The following PGA3 variants were observed in gnomAD, a reference collection of about 807,000 sequenced individuals.
PGA3 encodes pepsin A-3.
In PGA3, 1 loss-of-function variant was observed where a neutral mutation model predicts 15.6. That is an observed-to-expected ratio of 0.06 (90% CI 0.02 to 0.30). The LOEUF (loss-of-function observed/expected upper bound fraction) is 0.30. PGA3 is among the 10% of genes least tolerant of loss of function. PGA3 has a pLI of 1.00. For synonymous variants in PGA3, 14 were observed against 79.5 expected (o/e 0.18, Z 4.38); for missense variants, 29 against 183.7 (o/e 0.16, Z 4.87).
chr11:61,211,753 C>A (rs567047370), intron 8 of PGA3, among the ~76,000 whole-genome samples: 1 of 150,574 alleles, frequency 6.6e-6, no homozygotes, highest in Admixed American at 6.8e-5. Context: ...CAACTCATCT[C>A]ACCCTCAGTT....
intron 2 of PGA3, among the ~76,000 whole-genome samples, chr11:61,205,459 A>G (rs1159652171): frequency 6.6e-6 from 1 of 152,206 alleles, no homozygotes. Context: ...TGACAAATTA[A>G]TTAATTGGAC....
At chr11:61,206,453 G>C (rs1175751016) in intron 2 of PGA3, 57 bp from the exon 3 acceptor site, 1 of 16,328 alleles carries the variant, frequency 6.1e-5, no homozygotes, top group African/African-American at 5.8e-4. Flanking sequence ...ACAGCCCCTA[G>C]GGAGGCCCTG....
chr11:61,203,752 T>C, intron 1 of PGA3, 132 bp downstream of exon 1: 9 of 1,507,252 alleles, frequency 6.0e-6, no homozygotes, highest in Non-Finnish European at 8.2e-6. Context: ...CCTCTCTCTC[T>C]GCCTTTTTGG....
At chr11:61,211,887 G>A (rs1853952242) in intron 8 of PGA3, among the ~76,000 whole-genome samples, 2 of 151,158 alleles carry the variant, frequency 1.3e-5, no homozygotes, top group Non-Finnish European at 3.0e-5. Flanking sequence ...AATTTCCGTA[G>A]GCTGGGGCTT....
At chr11:61,205,133 A>G (rs1460260253) in intron 2 of PGA3, among the ~76,000 whole-genome samples, 1 of 151,954 alleles carries the variant, frequency 6.6e-6, no homozygotes, top group Non-Finnish European at 1.5e-5. Context: ...CAAGTCATTT[A>G]AATACTCTGA....
At chr11:61,205,218 A>G (rs1389532203) in intron 2 of PGA3, among the ~76,000 whole-genome samples, 1 of 151,836 alleles carries the variant, frequency 6.6e-6, no homozygotes, top group Admixed American at 6.6e-5. Context: ...TAACACGATC[A>G]TGTTTTCTGG....
chr11:61,204,554 G>A (rs1179301450), intron 2 of PGA3: 2 of 540,796 alleles, frequency 3.7e-6, no homozygotes. Context: ...CAAACTCATA[G>A]CCTAGGAGAC....
chr11:61,211,671 G>A (rs1158712009), intron 8 of PGA3, among the ~76,000 whole-genome samples: 3 of 150,466 alleles, frequency 2.0e-5, no homozygotes. Context: ...GGAGTGAAAA[G>A]AGGATTCTAT....
chr11:61,211,913 T>C (rs1853952765), intron 8 of PGA3, among the ~76,000 whole-genome samples: 1 of 150,846 alleles, frequency 6.6e-6, no homozygotes, highest in African/African-American at 2.4e-5. Context: ...ACTTCTACCA[T>C]CTCTACCAAG....
rs1257728559 is a variant in PGA3, at chr11:61,203,794, G to A, written c.56+174G>A. 1,737 of 1,086,326 alleles carry A rather than the reference G, an allele frequency of 1.6e-3. 14 individuals carry two copies. In the African/African-American group the frequency reaches 0.024, roughly 15 times the overall value. 67.3% of individuals were successfully genotyped at this position (1,086,326 alleles called of 1,614,324 possible). A position where few individuals can be genotyped will look rare whatever the true frequency, so the allele number is the denominator to read the frequency against. On this transcript the variant is annotated intron_variant, in intron 1 of 8. Coordinates refer to ENST00000325558, the MANE Select transcript of PGA3 (RefSeq NM_001079807.4). ...GCCCTGCAGACATGGTTAAAACTCG[G>A]GCCCAGCCTGACTGTGGTTCCCAGC...
At chr11:61,206,454 G>C (rs1853927535) in intron 2 of PGA3, 56 bp from the exon 3 acceptor site, 1 of 16,302 alleles carries the variant, frequency 6.1e-5, no homozygotes, top group Non-Finnish European at 1.7e-4. Flanking sequence ...CAGCCCCTAG[G>C]GAGGCCCTGA....
At position 61,211,820 on chromosome 11, in the gene PGA3, C is replaced by T. The variant is rs866987402; in HGVS notation, c.1017+385C>T. Among the ~76,000 whole-genome samples, 665 of 149,550 alleles carry T rather than the reference C, an allele frequency of 4.4e-3. 10 individuals are homozygous for T. Among genetic ancestry groups the T allele is most frequent in the African/African-American group, 0.014 (588 of 40,708 alleles). On this transcript the variant is annotated intron_variant, in intron 8 of 8. Transcript: ENST00000325558. ...CCCCACCCTCAGAGTGCGGTTAGGT[C>T]AACCAAGTGAGACTGATCACATCAG... is the stretch of plus-strand genomic sequence containing the variant.
chr11:61,205,100 C>T (rs1565206793), intron 2 of PGA3, among the ~76,000 whole-genome samples: 1 of 152,060 alleles, frequency 6.6e-6, no homozygotes, highest in South Asian at 2.1e-4. Context: ...GGTCCTAGTG[C>T]CTCTAAGCCA....
chr11:61,203,742 C>A, intron 1 of PGA3, 122 bp downstream of exon 1: 1 of 1,551,342 alleles, frequency 6.4e-7, no homozygotes, highest in South Asian at 1.1e-5. Context: ...CCCTTTTCCG[C>A]CTCTCTCTCT....
In PGA3 at chr11:61,203,808, G is replaced by C. The variant is rs1242700841; in HGVS notation, c.56+188G>C. The C allele has an allele frequency of 1.7e-3, 1,654 of 960,956 alleles. 12 individuals are homozygous for C. The African/African-American group carries it at 0.024, about 14-fold the overall frequency. 59.5% of individuals were successfully genotyped at this position (960,956 alleles called of 1,614,324 possible). ...GTTAAAACTCGGGCCCAGCCTGACT[G>C]TGGTTCCCAGCTCCAGCCCTAGTCA... On this transcript the variant is annotated intron_variant, in intron 1 of 8. Transcript: ENST00000325558.
chr11:61,205,521 G>A (rs1437012955), intron 2 of PGA3, among the ~76,000 whole-genome samples: 1 of 151,866 alleles, frequency 6.6e-6, no homozygotes, highest in Admixed American at 6.6e-5. Context: ...AGTGGTCACG[G>A]AAGGCCTGTT....
At chr11:61,205,449 T>G (rs1853914085) in intron 2 of PGA3, among the ~76,000 whole-genome samples, 1 of 152,162 alleles carries the variant, frequency 6.6e-6, no homozygotes, top group Non-Finnish European at 1.5e-5. Context: ...ATGAGGACCA[T>G]GACAAATTAA....
At chr11:61,210,711 TTCCCCTGGCTGC>T in intron 6 of PGA3, 14 of 9,728 alleles carry the variant, frequency 1.4e-3, no homozygotes, top group Non-Finnish European at 3.0e-3. Flanking sequence ...AGGGTGTCTG[TTCCCCTGGCTGC>T]TCCCCTCCAC....
intron 2 of PGA3, chr11:61,206,118 A>G (rs1590581813): frequency 4.7e-6 from 1 of 211,672 alleles, no homozygotes; most frequent in East Asian, 7.1e-5. Context: ...CTTCTGATAA[A>G]CAATTTAAGG....
Sources: gnomAD v4.1 joint callset for allele counts (sites outside exome capture counted in the v4.1 genomes callset) on GRCh38, gnomAD v4.1.1 for gene constraint, MANE v1.5 for transcripts, NCBI Gene and HGNC (gene_info 2026-07-23, HGNC 2026-07-21) for gene names.